The following STON2 variants were observed in gnomAD, a reference collection of about 807,000 sequenced individuals.
STON2 encodes stonin 2.
A neutral mutation model predicts 65.7 loss-of-function variants in STON2; 29 were observed. That is an observed-to-expected ratio of 0.44 (90% CI 0.33 to 0.60). The LOEUF (loss-of-function observed/expected upper bound fraction) is 0.60, where lower values mean the gene tolerates loss of function less well. Among genes scored for constraint, STON2 ranks in the 20% least tolerant of loss-of-function variants. STON2 has a pLI of 0.03. For missense variants in STON2, 1,054 were observed against 1,118.1 expected (o/e 0.94, Z 0.82); for synonymous variants, 404 against 414.2 (o/e 0.98, Z 0.30).
chr14:81,410,278 CAAAAAAAAAAAA>C (rs1161157573), intron 2 of STON2, among the ~76,000 whole-genome samples: 1,196 of 45,810 alleles, frequency 0.026, 21 homozygotes, highest in Non-Finnish European at 0.046. Flanking sequence ...TAACTCTAAC[CAAAAAAAAAAAA>C]AAAAAAAAAA....
At chr14:81,324,270 G>A (rs1460824786) in intron 4 of STON2, among the ~76,000 whole-genome samples, 83 bp from the exon 5 acceptor site, 1 of 152,238 alleles carries the variant, frequency 6.6e-6, no homozygotes, top group Non-Finnish European at 1.5e-5. Context: ...CCCAGGAGGA[G>A]GGAGAGGCCA....
chr14:81,373,641 C>CT (rs1899107674), intron 3 of STON2, among the ~76,000 whole-genome samples: 1 of 152,172 alleles, frequency 6.6e-6, no homozygotes, highest in South Asian at 2.1e-4. Context: ...AAACCAGACT[C>CT]TTGAGTTTTC....
At chr14:81,352,604 T>C (rs535541337) in intron 4 of STON2, among the ~76,000 whole-genome samples, 3 of 152,294 alleles carry the variant, frequency 2.0e-5, no homozygotes, top group South Asian at 4.1e-4. Flanking sequence ...CTGCATAACG[T>C]TGACAAGCCT....
intron 4 of STON2, among the ~76,000 whole-genome samples, chr14:81,336,038 G>C (rs2140279534): frequency 6.6e-6 from 1 of 152,234 alleles, no homozygotes; most frequent in South Asian, 2.1e-4. Context: ...AGAAGGTCAA[G>C]CAATCAGAAT....
intron 4 of STON2, among the ~76,000 whole-genome samples, chr14:81,328,363 T>C (rs916268018): frequency 1.3e-5 from 2 of 152,148 alleles, no homozygotes; most frequent in Admixed American, 1.3e-4. Flanking sequence ...AAGGGCATGA[T>C]TTGCTCCCAG....
intron 4 of STON2, among the ~76,000 whole-genome samples, chr14:81,324,853 T>C (rs1343015956): frequency 6.6e-6 from 1 of 152,170 alleles, no homozygotes; most frequent in Non-Finnish European, 1.5e-5. Context: ...GGAGGAAGCA[T>C]GGGTGTTCAT....
At chr14:81,403,631 C>A (rs997489003), upstream of STON2, among the ~76,000 whole-genome samples, 1 of 152,160 alleles carries the variant, frequency 6.6e-6, no homozygotes, top group Non-Finnish European at 1.5e-5. Context: ...GCATCCTAAC[C>A]AGACCCATGG....
At chr14:81,401,382 A>G (rs977080205), upstream of STON2, among the ~76,000 whole-genome samples, 1 of 152,196 alleles carries the variant, frequency 6.6e-6, no homozygotes, top group African/African-American at 2.4e-5. Flanking sequence ...AGTGGTCCCA[A>G]TGAAGACTGG....
chr14:81,376,507 GCC>G (rs1199691185), intron 3 of STON2, among the ~76,000 whole-genome samples: 55 of 152,064 alleles, frequency 3.6e-4, no homozygotes, highest in African/African-American at 1.3e-3. Flanking sequence ...AAAATGTCAG[GCC>G]AGGTGCTTTT....
In STON2 at chr14:81,333,827, G is replaced by A. The variant is rs188218426; in HGVS notation, c.572-9640C>T. On this transcript the variant is annotated intron_variant, in intron 4 of 7. Coordinates refer to ENST00000614646, the MANE Select transcript of STON2 (RefSeq NM_001394390.1). Reference sequence around the variant, plus strand: ...TAGTTATATTTTTCATTTTTGTCAGGAAGTTAGTGTGCCATTTAAGAAGCA... The same window carrying A: ...TAGTTATATTTTTCATTTTTGTCAGAAAGTTAGTGTGCCATTTAAGAAGCA... Among the ~76,000 whole-genome samples, 65 of 152,280 alleles carry A rather than the reference G, an allele frequency of 4.3e-4. No individual in the cohort carries two copies. In the Middle Eastern group the frequency reaches 0.02, roughly 48 times the overall value.
At chr14:81,356,392 T>C (rs536087585) in intron 4 of STON2, among the ~76,000 whole-genome samples, 3 of 152,318 alleles carry the variant, frequency 2.0e-5, no homozygotes, top group Non-Finnish European at 2.9e-5. Flanking sequence ...TTTTGATGTG[T>C]TGCTGGATTC....
intron 4 of STON2, among the ~76,000 whole-genome samples, chr14:81,357,035 C>G (rs200451449): frequency 1.1e-4 from 16 of 151,802 alleles, no homozygotes; most frequent in Admixed American, 8.5e-4. Flanking sequence ...GCAACAAAAG[C>G]TAAAATTGAC....
intron 2 of STON2, among the ~76,000 whole-genome samples, chr14:81,417,847 A>C (rs1433821299): frequency 6.6e-6 from 1 of 152,094 alleles, no homozygotes; most frequent in Non-Finnish European, 1.5e-5. Flanking sequence ...GGGAAGTTAG[A>C]CCCTCGGGTG....
chr14:81,433,593 T>C (rs928396600), intron 1 of STON2, among the ~76,000 whole-genome samples: 2 of 152,234 alleles, frequency 1.3e-5, no homozygotes, highest in African/African-American at 4.8e-5. Flanking sequence ...CAGCAGACTT[T>C]GCCATGTGAG....
intron 1 of STON2, among the ~76,000 whole-genome samples, chr14:81,432,593 G>A (rs77411571): frequency 7.4e-4 from 112 of 152,320 alleles, no homozygotes; most frequent in African/African-American, 2.6e-3. Flanking sequence ...GGAATATGTG[G>A]ACAGGCCTGA....
At chr14:81,269,409 A>G in intron 7 of STON2, 1 of 985,386 alleles carries the variant, frequency 1.0e-6, no homozygotes, top group Non-Finnish European at 1.2e-6. Context: ...GTAATTATCA[A>G]GAAATTAACA....
In STON2 at chr14:81,278,318, G is replaced by A. The variant is rs773301204; in HGVS notation, c.1164C>T (p.Phe388=). 9 of 1,614,078 alleles carry A rather than the reference G, an allele frequency of 5.6e-6. No homozygotes were observed. Among genetic ancestry groups the A allele is most frequent in the Admixed American group, 1.7e-5 (1 of 60,002 alleles). ...QDVQPSPINP[F]SAFFEEQERR... is the part of the protein sequence containing the mutation. ...TCTCCTGCTCCTCAAAGAAAGCACT[G>A]AAAGGGTTGATAGGGGAGGGCTGTA... The change falls in exon 6 of 8, where the codon TTC becomes TTT. Residue 388 remains phenylalanine, a synonymous_variant. Transcript: ENST00000614646.
At chr14:81,339,463 C>T (rs1490533764) in intron 4 of STON2, among the ~76,000 whole-genome samples, 1 of 151,954 alleles carries the variant, frequency 6.6e-6, no homozygotes, top group Non-Finnish European at 1.5e-5. Flanking sequence ...TGCAGATCTC[C>T]AACCATCACT....
Position 81,265,871 on chromosome 14 carries a change from G to C in STON2, c.*2543C>G. ...ATGTTATGCTAGCAGATGAGGCAGA[G>C]ATCTTGACAGAGTGCTAAGCGTGAG... is the stretch of plus-strand genomic sequence containing the variant. On this transcript the variant is annotated 3_prime_UTR_variant, in exon 8 of 8. Transcript: ENST00000614646. 1 of 985,348 alleles carries C rather than the reference G, an allele frequency of 1.0e-6. No homozygotes were observed. Among genetic ancestry groups the C allele is most frequent in the Non-Finnish European group, 1.2e-6 (1 of 829,912 alleles). 61.0% of individuals were successfully genotyped at this position (985,348 alleles called of 1,614,324 possible).
Sources: gnomAD v4.1 joint callset for allele counts (sites outside exome capture counted in the v4.1 genomes callset) on GRCh38, gnomAD v4.1.1 for gene constraint, MANE v1.5 for transcripts, NCBI Gene and HGNC (gene_info 2026-07-23, HGNC 2026-07-21) for gene names.